The following JAM2 variants were observed in gnomAD, a reference collection of about 807,000 sequenced individuals.
JAM2 encodes the protein junctional adhesion molecule 2.
In JAM2, 17 loss-of-function variants were observed where a neutral mutation model predicts 42.0. The observed-to-expected ratio is 0.40, with a 90% CI of 0.28 to 0.61. JAM2 has a LOEUF of 0.61. Ranked by LOEUF, JAM2 falls within the 20% of genes least tolerant of loss-of-function variation. The probability of loss-of-function intolerance (pLI) is 0.37; values close to 1 mark genes in which losing one functional copy is unlikely to be tolerated. For missense variants in JAM2, 319 were observed against 358.3 expected (o/e 0.89, Z 0.89); for synonymous variants, 118 against 128.6 (o/e 0.92, Z 0.56).
At chr21:25,688,784 T>C (rs2123377591) in intron 2 of JAM2, among the ~76,000 whole-genome samples, 1 of 152,348 alleles carries the variant, frequency 6.6e-6, no homozygotes, top group Admixed American at 6.5e-5. Flanking sequence ...TTTTTTAACA[T>C]TCATTTGCTT....
At chr21:25,656,097 C>A (rs867389305) in intron 1 of JAM2, among the ~76,000 whole-genome samples, 13 of 151,594 alleles carry the variant, frequency 8.6e-5, no homozygotes, top group Admixed American at 2.6e-4. Context: ...TTGAAAGGGA[C>A]TTTAATATTT....
intron 1 of JAM2, among the ~76,000 whole-genome samples, chr21:25,651,838 A>G (rs998253505): frequency 6.6e-6 from 1 of 152,230 alleles, no homozygotes. Context: ...TCTCCAAAAT[A>G]TAGTAAGTGA....
At chr21:25,678,429 A>C (rs1383928334) in intron 1 of JAM2, among the ~76,000 whole-genome samples, 1 of 152,188 alleles carries the variant, frequency 6.6e-6, no homozygotes, top group Non-Finnish European at 1.5e-5. Context: ...ATGCAGGAGA[A>C]GAAAGGGATA....
At chr21:25,644,811 A>T (rs1465348303) in intron 1 of JAM2, among the ~76,000 whole-genome samples, 1 of 152,168 alleles carries the variant, frequency 6.6e-6, no homozygotes, top group African/African-American at 2.4e-5. Flanking sequence ...AAGCCACCAT[A>T]ACTTTTACCT....
At chr21:25,676,909 G>C (rs539475486) in intron 1 of JAM2, among the ~76,000 whole-genome samples, 1 of 152,278 alleles carries the variant, frequency 6.6e-6, no homozygotes. Context: ...CTAAAACAAG[G>C]TAGAAATCTT....
intron 7 of JAM2, among the ~76,000 whole-genome samples, chr21:25,707,040 G>A (rs1043411656): frequency 1.3e-5 from 2 of 152,114 alleles, no homozygotes; most frequent in Non-Finnish European, 2.9e-5. Context: ...GCCCAGACAA[G>A]ATATTTTTAA....
intron 1 of JAM2, among the ~76,000 whole-genome samples, chr21:25,674,262 G>A (rs1210150169): frequency 1.3e-5 from 2 of 152,098 alleles, no homozygotes; most frequent in Admixed American, 6.5e-5. Context: ...AGGTGTGGTG[G>A]CACGTGCCTG....
rs2034263522 is a variant in JAM2, at chr21:25,706,017, G to A, written c.736G>A (p.Val246Ile). The A allele has an allele frequency of 1.2e-6, 2 of 1,613,920 alleles. No homozygotes were observed. The highest frequency in any genetic ancestry group is 1.7e-6 in the Non-Finnish European group (2 of 1,179,784). Reference sequence around the variant, plus strand: ...AAGTGGCATCATAGCAGCCGTAGTAGTTGTGGCCTTAGTGATTTCCGTTTG... The same window carrying A: ...AAGTGGCATCATAGCAGCCGTAGTAATTGTGGCCTTAGTGATTTCCGTTTG... ...NISGIIAAVV[V>I]VALVISVCGL... is the part of the protein sequence containing the mutation. The change falls in exon 7 of 10, where the codon GTT (valine) becomes ATT (isoleucine). Residue 246 changes from valine to isoleucine, a missense_variant. Physicochemically the swap from Val to Ile is conservative, Grantham distance 29 (BLOSUM62 3). Coordinates refer to ENST00000480456, the MANE Select transcript of JAM2 (RefSeq NM_021219.4).
chr21:25,689,324 T>C (rs1336810011), intron 2 of JAM2, among the ~76,000 whole-genome samples: 2 of 152,222 alleles, frequency 1.3e-5, no homozygotes, highest in African/African-American at 2.4e-5. Context: ...GAATATAGCA[T>C]GTTGTGGAAA....
intron 1 of JAM2, among the ~76,000 whole-genome samples, chr21:25,671,348 G>T (rs1229473534): frequency 1.3e-5 from 2 of 152,098 alleles, no homozygotes; most frequent in African/African-American, 4.8e-5. Context: ...TGCATGCATT[G>T]CTAAGCCTTC....
At chr21:25,703,409 G>A (rs2034208709) in intron 6 of JAM2, among the ~76,000 whole-genome samples, 8 of 152,106 alleles carry the variant, frequency 5.3e-5, no homozygotes, top group Admixed American at 5.2e-4. Flanking sequence ...TCTACTCTAA[G>A]TACAAGTTAG....
intron 1 of JAM2, chr21:25,643,358 A>G (rs946980768): frequency 1.3e-5 from 2 of 152,232 alleles, no homozygotes; most frequent in African/African-American, 4.8e-5. Context: ...ATCATGAATC[A>G]GTTCCTGATT....
chr21:25,649,382 C>T (rs1429510076), intron 1 of JAM2, among the ~76,000 whole-genome samples: 1 of 152,118 alleles, frequency 6.6e-6, no homozygotes, highest in Non-Finnish European at 1.5e-5. Context: ...TGGCCGGAAG[C>T]AGAAGTGCCG....
At chr21:25,693,711 G>A (rs1318734184) in intron 3 of JAM2, 45 bp from the exon 4 acceptor site, 1 of 1,519,446 alleles carries the variant, frequency 6.6e-7, no homozygotes, top group Non-Finnish European at 9.1e-7. Context: ...TACACAGAAA[G>A]CTACTTGGAT....
At position 25,639,887 on chromosome 21, in the gene JAM2, C is replaced by CT; in HGVS notation, c.67dup (p.Tyr23LeufsTer3). 1 of 1,587,036 alleles carries CT rather than the reference C, an allele frequency of 6.3e-7. No individual in the cohort carries two copies. The highest frequency in any genetic ancestry group is 8.6e-7 in the Non-Finnish European group (1 of 1,166,708). ...TGCGCTACCTGGTGGTCGCCCTGGG[C>CT]TGTAAGTTGCTCGGGTTCCTCTACC... On this transcript the variant is annotated frameshift_variant and splice_region_variant, in exon 1 of 10. Transcript: ENST00000480456. LOFTEE classifies it high-confidence loss of function.
intron 1 of JAM2, among the ~76,000 whole-genome samples, chr21:25,651,253 A>C (rs982173159): frequency 3.3e-4 from 50 of 152,298 alleles, no homozygotes; most frequent in African/African-American, 1.2e-3. Flanking sequence ...GGAACCCCTA[A>C]AAATTAAAAT....
chr21:25,668,725 G>T (rs920565805), intron 1 of JAM2, among the ~76,000 whole-genome samples: 1 of 152,206 alleles, frequency 6.6e-6, no homozygotes, highest in Non-Finnish European at 1.5e-5. Context: ...ATATGTATTT[G>T]GGAGTGTTTA....
chr21:25,655,522 A>C (rs7277914), intron 1 of JAM2, among the ~76,000 whole-genome samples: 1 of 145,416 alleles, frequency 6.9e-6, no homozygotes, highest in Admixed American at 6.8e-5. Context: ...ACTCTGTCAC[A>C]CAGGCTGGAG....
chr21:25,692,198 G>T, intron 3 of JAM2: 1 of 154,364 alleles, frequency 6.5e-6, no homozygotes, highest in South Asian at 2.0e-4. Context: ...CAGCTCGGAA[G>T]ATAAAATAAC....
Sources: gnomAD v4.1 joint callset for allele counts (sites outside exome capture counted in the v4.1 genomes callset) on GRCh38, gnomAD v4.1.1 for gene constraint, MANE v1.5 for transcripts, NCBI Gene and HGNC (gene_info 2026-07-23, HGNC 2026-07-21) for gene names.